Variants in XYLT1 observed in about 807,000 individuals in gnomAD.
XYLT1 encodes beta-D-xylosyltransferase 1.
A neutral mutation model predicts 91.3 loss-of-function variants in XYLT1; 36 were observed. The observed-to-expected ratio is 0.39, with a 90% CI of 0.30 to 0.52. The LOEUF is 0.52. XYLT1 is among the 20% of genes least tolerant of loss of function. XYLT1 has a pLI of 0.68. For missense variants in XYLT1, 1,242 were observed against 1,284.5 expected (o/e 0.97, Z 0.51); for synonymous variants, 588 against 532.0 (o/e 1.11, Z -1.45).
At chr16:17,392,475 G>A (rs186475709) in intron 1 of XYLT1, among the ~76,000 whole-genome samples, 1 of 152,024 alleles carries the variant, frequency 6.6e-6, no homozygotes, top group East Asian at 1.9e-4. Context: ...TACTTTTTTT[G>A]GTCTGTTTGA....
At position 17,378,842 on chromosome 16, in the gene XYLT1, C is replaced by G. The variant is rs2035635380; in HGVS notation, c.364-20792G>C. Among the ~76,000 whole-genome samples, 3 of 152,208 alleles carry G rather than the reference C, an allele frequency of 2.0e-5. No individual in the cohort carries two copies. In the South Asian group the frequency reaches 6.2e-4, roughly 31 times the overall value. On this transcript the variant is annotated intron_variant, in intron 1 of 11. Transcript: ENST00000261381. ...GTCCAAGCTCTTTATACTGTATTCT[C>G]CTAAGCTCAGATTAAAACCCACTCC...
intron 2 of XYLT1, among the ~76,000 whole-genome samples, chr16:17,340,162 A>T (rs9939366): frequency 3.7e-5 from 2 of 53,974 alleles, no homozygotes; most frequent in Admixed American, 2.7e-4. Context: ...CCTCCATCCA[A>T]CATATATCCA....
rs1323802111 is a variant in XYLT1 at position 17,127,765 on chromosome 16, AGC to A, written c.2122_2123del (p.Ala708CysfsTer25). On this transcript the variant is annotated frameshift_variant, in exon 10 of 12. Transcript: ENST00000261381. LOFTEE classifies it high-confidence loss of function. ...TCTCCAGAGTCTCTAGTTTGCTCAC[AGC>A]CAGATTGGTAGCATGATGCTTGATC... is the stretch of plus-strand genomic sequence containing the variant. ...FLIKHHATNL[A>X]VSKLETLETW... 1 of 1,614,078 alleles carries A rather than the reference AGC, an allele frequency of 6.2e-7. No individual in the cohort carries two copies. Among genetic ancestry groups the A allele is most frequent in the African/African-American group, 1.3e-5 (1 of 74,938 alleles).
intron 1 of XYLT1, among the ~76,000 whole-genome samples, chr16:17,418,047 CAT>C (rs2036202299): frequency 6.6e-6 from 1 of 152,232 alleles, no homozygotes; most frequent in Non-Finnish European, 1.5e-5. Context: ...CAGCCCACTC[CAT>C]ATGTGTCAGT....
intron 9 of XYLT1, among the ~76,000 whole-genome samples, chr16:17,129,422 C>T (rs575420320): frequency 1.2e-4 from 19 of 152,124 alleles, no homozygotes; most frequent in Non-Finnish European, 1.9e-4. Flanking sequence ...CCACCATGCC[C>T]GGCTAATTTT....
At chr16:17,418,389 T>G (rs572606747) in intron 1 of XYLT1, among the ~76,000 whole-genome samples, 1 of 152,370 alleles carries the variant, frequency 6.6e-6, no homozygotes, top group South Asian at 2.1e-4. Context: ...TTTTTAACCA[T>G]AGCCTAATGC....
chr16:17,118,285 C>CGAATGAAT (rs10524608), intron 10 of XYLT1, among the ~76,000 whole-genome samples: 18,660 of 151,376 alleles, frequency 0.12, 1,979 homozygotes, highest in African/African-American at 0.27. Flanking sequence ...AATGAATGAA[C>CGAATGAAT]GAATGAATGA....
At chr16:17,339,017 A>G (rs768754113) in intron 2 of XYLT1, among the ~76,000 whole-genome samples, 1 of 152,208 alleles carries the variant, frequency 6.6e-6, no homozygotes, top group Non-Finnish European at 1.5e-5. Context: ...ATTCAACTAT[A>G]AACAGTCAGG....
chr16:17,229,357 G>C (rs772058831), intron 3 of XYLT1, among the ~76,000 whole-genome samples: 1 of 152,202 alleles, frequency 6.6e-6, no homozygotes, highest in Non-Finnish European at 1.5e-5. Context: ...GGCTTATGTG[G>C]ACCGGATGAA....
At chr16:17,167,505 G>C (rs1252863718) in intron 5 of XYLT1, among the ~76,000 whole-genome samples, 1 of 148,278 alleles carries the variant, frequency 6.7e-6, no homozygotes, top group Non-Finnish European at 1.5e-5. Context: ...CTTCCATCTC[G>C]TGAATGGGTT....
In XYLT1 at chr16:17,299,424, C is replaced by T. The variant is rs574552712; in HGVS notation, c.403-39926G>A. Among the ~76,000 whole-genome samples, 29 of 152,312 alleles carry T rather than the reference C, an allele frequency of 1.9e-4. No individual in the cohort carries two copies. In the South Asian group the frequency reaches 2.9e-3, roughly 15 times the overall value. On this transcript the variant is annotated intron_variant, in intron 2 of 11. Transcript: ENST00000261381. The stretch of plus-strand genomic sequence containing the variant: ...TGCAGCCCTCTCCATCCCGTTAACC[C>T]GCTCTTCCTCAAGGAACTTCCAGAA...
chr16:17,302,007 T>C (rs2034402835), intron 2 of XYLT1, among the ~76,000 whole-genome samples: 1 of 152,094 alleles, frequency 6.6e-6, no homozygotes, highest in South Asian at 2.1e-4. Context: ...AGGTCAGAAG[T>C]TCAAGACCAA....
intron 2 of XYLT1, among the ~76,000 whole-genome samples, chr16:17,330,636 A>T (rs556045476): frequency 2.5e-4 from 38 of 152,116 alleles, no homozygotes; most frequent in Middle Eastern, 3.4e-3. Flanking sequence ...AAAATAAAAA[A>T]AAAAAAAATT....
chr16:17,231,659 A>G (rs2033158363), intron 3 of XYLT1, among the ~76,000 whole-genome samples: 1 of 152,208 alleles, frequency 6.6e-6, no homozygotes, highest in Admixed American at 6.5e-5. Context: ...CTCCTAGGCT[A>G]CAAACCTGGA....
At chr16:17,447,600 C>T (rs937168825) in intron 1 of XYLT1, among the ~76,000 whole-genome samples, 3 of 152,206 alleles carry the variant, frequency 2.0e-5, no homozygotes, top group African/African-American at 7.2e-5. Context: ...GCATTTCCAT[C>T]CTAGAAGCTT....
intron 3 of XYLT1, among the ~76,000 whole-genome samples, chr16:17,253,757 T>C (rs1202367156): frequency 6.6e-6 from 1 of 150,650 alleles, no homozygotes; most frequent in Admixed American, 6.7e-5. Context: ...CCCAGGCTCT[T>C]AAGCACTGAC....
intron 1 of XYLT1, among the ~76,000 whole-genome samples, chr16:17,460,672 C>CATTCCTCA (rs1157099037): frequency 6.6e-6 from 1 of 152,198 alleles, no homozygotes; most frequent in Non-Finnish European, 1.5e-5. Flanking sequence ...GCAGTATCAC[C>CATTCCTCA]ATTCCTCAGC....
intron 3 of XYLT1, among the ~76,000 whole-genome samples, chr16:17,240,500 T>G (rs966844432): frequency 1.3e-5 from 2 of 152,154 alleles, no homozygotes; most frequent in Non-Finnish European, 2.9e-5. Context: ...TAGGAATGTA[T>G]TGCCACAATC....
chr16:17,416,834 G>A (rs114674949), intron 1 of XYLT1, among the ~76,000 whole-genome samples: 3,044 of 152,258 alleles, frequency 0.02, 87 homozygotes, highest in African/African-American at 0.068. Flanking sequence ...ATTAACTATC[G>A]GAGATGTGGG....
Sources: gnomAD v4.1 joint callset for allele counts (sites outside exome capture counted in the v4.1 genomes callset) on GRCh38, gnomAD v4.1.1 for gene constraint, MANE v1.5 for transcripts, NCBI Gene and HGNC (gene_info 2026-07-23, HGNC 2026-07-21) for gene names.